CCDC146: variants seen among roughly 807,000 people sequenced by gnomAD.
CCDC146 encodes coiled-coil domain containing 146.
CCDC146 carries 92 observed loss-of-function variants against 119.3 expected under a neutral mutation model. That is an observed-to-expected ratio of 0.77 (90% confidence interval 0.65 to 0.92). The LOEUF is 0.92. CCDC146 is among the 40% of genes least tolerant of loss of function. CCDC146 has a pLI of 0.00. For missense variants in CCDC146, 1,000 were observed against 1,103.0 expected (o/e 0.91, Z 1.32); for synonymous variants, 372 against 371.8 (o/e 1.00, Z -0.01).
chr7:77,228,761 A>T (rs1792566369), intron 2 of CCDC146, among the ~76,000 whole-genome samples: 1 of 152,246 alleles, frequency 6.6e-6, no homozygotes, highest in Non-Finnish European at 1.5e-5. Context: ...TGAAATACTT[A>T]CACTCCCACC....
At chr7:77,130,924 C>T (rs1790777082) in intron 1 of CCDC146, among the ~76,000 whole-genome samples, 1 of 150,330 alleles carries the variant, frequency 6.7e-6, no homozygotes, top group Admixed American at 6.6e-5. Context: ...CGGAGTCTCA[C>T]TCTGTCATCC....
chr7:77,141,405 A>G (rs1455288973), intron 1 of CCDC146, among the ~76,000 whole-genome samples: 1 of 152,206 alleles, frequency 6.6e-6, no homozygotes, highest in Admixed American at 6.5e-5. Context: ...TCATAGTAGA[A>G]TGACTTATAA....
chr7:77,227,406 T>C (rs1436907419), intron 2 of CCDC146, among the ~76,000 whole-genome samples: 3 of 152,160 alleles, frequency 2.0e-5, no homozygotes, highest in Non-Finnish European at 4.4e-5. Context: ...CCTGGGTTCA[T>C]GCCATTCTCC....
At chr7:77,291,670 T>C (rs1249994312) in intron 17 of CCDC146, among the ~76,000 whole-genome samples, 1 of 152,198 alleles carries the variant, frequency 6.6e-6, no homozygotes, top group African/African-American at 2.4e-5. Flanking sequence ...ATCACACCAC[T>C]GTGCTCCAGC....
chr7:77,279,249 ATGAGACCCTG>A (rs59885157), intron 13 of CCDC146, 148 bp downstream of exon 13: 172,147 of 572,430 alleles, frequency 0.3, 28,449 homozygotes, highest in African/African-American at 0.49. Context: ...GGGTGACAGA[ATGAGACCCTG>A]TCTCAAAAAA....
At chr7:77,187,636 AAG>A (rs769076637) in intron 2 of CCDC146, among the ~76,000 whole-genome samples, 1 of 152,146 alleles carries the variant, frequency 6.6e-6, no homozygotes, top group Non-Finnish European at 1.5e-5. Context: ...ATTCCAGTCG[AAG>A]AGAGAGCATT....
In CCDC146 at chr7:77,241,837, A is replaced by G; in HGVS notation, c.386A>G (p.Lys129Arg). The G allele has an allele frequency of 6.2e-7, 1 of 1,614,084 alleles. No individual in the cohort carries two copies. Among genetic ancestry groups the G allele is most frequent in the South Asian group, 1.1e-5 (1 of 91,082 alleles). ...EVSKMREQLL[K>R]YQNEYNAVKE... ...TCCAAAATGAGAGAACAACTTCTCA[A>G]GTATCAAAATGAATATAATGCAGTG... Residue 129 changes from lysine to arginine, a missense_variant, in exon 4 of 19, where the codon AAG (lysine) becomes AGG (arginine). By Grantham distance (26) the Lys-to-Arg change is conservative. Coordinates refer to ENST00000285871, the MANE Select transcript of CCDC146 (RefSeq NM_020879.3).
chr7:77,288,191 G>A (rs1369290453), intron 17 of CCDC146, among the ~76,000 whole-genome samples: 1 of 152,152 alleles, frequency 6.6e-6, no homozygotes, highest in African/African-American at 2.4e-5. Context: ...GCCCCTAGAA[G>A]TCCCCCTGGA....
At chr7:77,130,833 G>A (rs1481499889) in intron 1 of CCDC146, among the ~76,000 whole-genome samples, 1 of 149,680 alleles carries the variant, frequency 6.7e-6, no homozygotes, top group African/African-American at 2.5e-5. Context: ...TCCTGACCTC[G>A]TGATCCGCCC....
intron 10 of CCDC146, 106 bp downstream of exon 10, chr7:77,273,895 G>A: frequency 1.6e-6 from 1 of 627,766 alleles, no homozygotes; most frequent in Non-Finnish European, 2.8e-6. Context: ...TCATCAAAGA[G>A]AGTATGATCC....
intron 1 of CCDC146, among the ~76,000 whole-genome samples, chr7:77,146,500 A>C (rs939142997): frequency 2.6e-5 from 4 of 152,102 alleles, no homozygotes; most frequent in African/African-American, 9.7e-5. Context: ...GTTTCTTCCT[A>C]GCCTTGATGG....
At chr7:77,221,577 C>A (rs1792403920) in intron 2 of CCDC146, among the ~76,000 whole-genome samples, 1 of 152,182 alleles carries the variant, frequency 6.6e-6, no homozygotes, top group Admixed American at 6.5e-5. Context: ...CACCCCCACC[C>A]TGATACATAG....
At chr7:77,168,662 A>G (rs1387833518) in intron 2 of CCDC146, among the ~76,000 whole-genome samples, 1 of 152,256 alleles carries the variant, frequency 6.6e-6, no homozygotes, top group South Asian at 2.1e-4. Flanking sequence ...TAAATTGTTC[A>G]CTTTTTCTAC....
At chr7:77,247,798 C>T (rs935228983) in intron 4 of CCDC146, among the ~76,000 whole-genome samples, 23 of 151,992 alleles carry the variant, frequency 1.5e-4, no homozygotes, top group Non-Finnish European at 2.1e-4. Flanking sequence ...AAGATGTTGG[C>T]GGAGTGCTGA....
intron 2 of CCDC146, among the ~76,000 whole-genome samples, chr7:77,208,805 T>C (rs935013588): frequency 1.5e-4 from 23 of 152,176 alleles, no homozygotes; most frequent in African/African-American, 5.3e-4. Flanking sequence ...CCTCCTGGGC[T>C]CCAACAATCC....
intron 2 of CCDC146, among the ~76,000 whole-genome samples, chr7:77,221,765 T>A (rs981402040): frequency 6.6e-6 from 1 of 152,292 alleles, no homozygotes; most frequent in South Asian, 2.1e-4. Context: ...TGAGAGATGG[T>A]GGCCTGATTC....
intron 9 of CCDC146, among the ~76,000 whole-genome samples, chr7:77,271,453 ATACT>A (rs1448359153): frequency 2.7e-5 from 4 of 146,184 alleles, no homozygotes; most frequent in African/African-American, 5.1e-5. Context: ...CTGTGAGTTA[ATACT>A]TAATAAACTC....
At chr7:77,227,230 C>A (rs1296003775) in intron 2 of CCDC146, among the ~76,000 whole-genome samples, 1 of 152,220 alleles carries the variant, frequency 6.6e-6, no homozygotes, top group East Asian at 1.9e-4. Flanking sequence ...CTGTAGTTTT[C>A]CTGCTTTTCT....
intron 14 of CCDC146, among the ~76,000 whole-genome samples, chr7:77,281,047 G>A (rs954952598): frequency 3.3e-5 from 5 of 151,296 alleles, no homozygotes; most frequent in Admixed American, 1.3e-4. Flanking sequence ...AGGTTGCAGT[G>A]AGCTGAGATC....
Sources: allele counts gnomAD v4.1 joint callset (sites outside exome capture counted in the v4.1 genomes callset), GRCh38; gene constraint gnomAD v4.1.1; transcripts MANE v1.5; gene names NCBI Gene and HGNC (gene_info 2026-07-23, HGNC 2026-07-21).